Variants in UBR1 observed in about 807,000 individuals in gnomAD.
The protein encoded by UBR1 is ubiquitin protein ligase E3 component n-recognin 1, also known as E3 ubiquitin-protein ligase UBR1.
A neutral mutation model predicts 242.1 loss-of-function variants in UBR1; 102 were observed. That is an observed-to-expected ratio of 0.42 (90% CI 0.36 to 0.50). UBR1 has a LOEUF of 0.50. UBR1 is among the 20% of genes least tolerant of loss of function. UBR1 has a pLI of 0.01. For missense variants in UBR1, 1,772 were observed against 2,101.8 expected (o/e 0.84, Z 3.07); for synonymous variants, 675 against 684.8 (o/e 0.99, Z 0.22).
At chr15:42,997,702 C>G (rs2032661294) in intron 33 of UBR1, among the ~76,000 whole-genome samples, 1 of 152,194 alleles carries the variant, frequency 6.6e-6, no homozygotes, top group Non-Finnish European at 1.5e-5. Flanking sequence ...ACATGTAGCA[C>G]TTACTATGTA....
At chr15:43,012,143 C>T (rs8028822) in intron 29 of UBR1, among the ~76,000 whole-genome samples, 81,490 of 151,316 alleles carry the variant, frequency 0.54, 26,649 homozygotes, top group Non-Finnish European at 0.7. Context: ...AGGAGAATGG[C>T]GTGAACCCTG....
At chr15:43,059,650 A>AT in intron 8 of UBR1, 52 bp downstream of exon 8, 1 of 1,610,178 alleles carries the variant, frequency 6.2e-7, no homozygotes, top group Non-Finnish European at 8.5e-7. Context: ...ATTTGTGGCT[A>AT]TAAAACACAT....
At chr15:43,030,192 A>G in intron 20 of UBR1, 124 bp from the exon 21 acceptor site, 1 of 1,103,970 alleles carries the variant, frequency 9.1e-7, no homozygotes, top group East Asian at 2.6e-5. Context: ...GAGGGGCAAA[A>G]GTTATTTGAA....
chr15:42,949,843 T>C (rs1014087448), intron 46 of UBR1, among the ~76,000 whole-genome samples: 3 of 148,288 alleles, frequency 2.0e-5, no homozygotes, highest in Non-Finnish European at 3.0e-5. Flanking sequence ...AAAGTAGCTC[T>C]CAATTACTTT....
intron 32 of UBR1, among the ~76,000 whole-genome samples, chr15:42,999,181 C>T (rs995206325): frequency 1.3e-4 from 20 of 152,102 alleles, no homozygotes; most frequent in African/African-American, 4.6e-4. Context: ...CCTCGTGATC[C>T]GCCCGCCTCA....
At chr15:42,981,617 G>A (rs1291622208) in intron 37 of UBR1, among the ~76,000 whole-genome samples, 1 of 152,026 alleles carries the variant, frequency 6.6e-6, no homozygotes, top group Admixed American at 6.6e-5. Context: ...AGCCTCCCGA[G>A]TAGCTGGGAC....
At chr15:43,021,441 T>C in intron 26 of UBR1, 66 bp from the exon 27 acceptor site, 4 of 1,508,832 alleles carry the variant, frequency 2.7e-6, no homozygotes, top group Non-Finnish European at 3.7e-6. Context: ...CCTCAGGGAA[T>C]TGGTTTCAGG....
At chr15:43,054,432 AGT>A (rs2141332744) in intron 12 of UBR1, among the ~76,000 whole-genome samples, 1 of 152,190 alleles carries the variant, frequency 6.6e-6, no homozygotes, top group African/African-American at 2.4e-5. Flanking sequence ...ACAGAACCAA[AGT>A]GTGTGAGTGG....
At chr15:43,002,291 G>A (rs988319655) in intron 32 of UBR1, among the ~76,000 whole-genome samples, 1 of 152,148 alleles carries the variant, frequency 6.6e-6, no homozygotes, top group African/African-American at 2.4e-5. Flanking sequence ...TCGACTCACT[G>A]GAGCTTCAAT....
intron 32 of UBR1, among the ~76,000 whole-genome samples, chr15:42,999,493 A>C (rs1273207315): frequency 6.6e-6 from 1 of 152,150 alleles, no homozygotes; most frequent in Non-Finnish European, 1.5e-5. Context: ...TCTCCTTCCT[A>C]AAATGGACGT....
rs549290408 is a variant in UBR1, at chr15:42,983,795, T to C, written c.4150+102A>G. On this transcript the variant is annotated intron_variant, in intron 37 of 46. Transcript: ENST00000290650. ...TTCATTAGTGAGTGCTCAAAATTAG[T>C]GCAGTGTATGTTGTTTCCTAATGAA... The C allele has an allele frequency of 2.8e-4, 181 of 647,050 alleles. No individual in the cohort carries two copies. The African/African-American group carries it at 3.1e-3, about 11-fold the overall frequency. The allele number at this position is 647,050 out of a possible 1,614,324, so 40.1% of individuals were successfully genotyped here. A position where few individuals can be genotyped will look rare whatever the true frequency, so the allele number is the denominator to read the frequency against.
Position 43,017,189 on chromosome 15 carries a change from A to G in UBR1, c.2941-8T>C. 6.3e-7 allele frequency: 1 copy of G among 1,596,114 alleles called. No homozygotes were observed. Among genetic ancestry groups the G allele is most frequent in the Non-Finnish European group, 8.6e-7 (1 of 1,165,794 alleles). On this transcript the variant is annotated splice_region_variant and splice_polypyrimidine_tract_variant and intron_variant, in intron 27 of 46. Coordinates refer to ENST00000290650, the MANE Select transcript of UBR1 (RefSeq NM_174916.3). ...CTTCACTGTGTCAAACATCTGTGAA[A>G]AACAGATGAAACGTTAAAAGAGTTA...
At chr15:43,005,946 A>G (rs1377995559) in intron 30 of UBR1, among the ~76,000 whole-genome samples, 1 of 150,132 alleles carries the variant, frequency 6.7e-6, no homozygotes, top group Non-Finnish European at 1.5e-5. Context: ...GGACACAAAC[A>G]CTGCGGAAGG....
chr15:43,012,226 CAAAA>C (rs1454205296), intron 29 of UBR1, among the ~76,000 whole-genome samples: 2 of 82,434 alleles, frequency 2.4e-5, no homozygotes, highest in African/African-American at 4.4e-5. Flanking sequence ...GATTCCGTCT[CAAAA>C]AAAAAAAAAA....
chr15:43,073,666 G>T (rs539884265), intron 4 of UBR1, among the ~76,000 whole-genome samples: 1 of 152,148 alleles, frequency 6.6e-6, no homozygotes, highest in Admixed American at 6.5e-5. Context: ...AGGAACTCAC[G>T]GATTTTTATA....
At position 42,984,985 on chromosome 15, in the gene UBR1, T is replaced by C. The variant is rs201091488; in HGVS notation, c.3998-43A>G. ...AATAAAAATAATAAATCCTGAATAGTGCTATAATCATATACTGTACTTTTT... is the reference window on the plus strand; with the variant it reads ...AATAAAAATAATAAATCCTGAATAGCGCTATAATCATATACTGTACTTTTT... On this transcript the variant is annotated intron_variant, in intron 35 of 46. Transcript: ENST00000290650. 6.8e-4 allele frequency: 939 copies of C among 1,383,452 alleles called. 7 individuals are homozygous for C. The Admixed American group carries it at 8.7e-3, about 13-fold the overall frequency. 85.7% of individuals were successfully genotyped at this position (1,383,452 alleles called of 1,614,324 possible). A position where few individuals can be genotyped will look rare whatever the true frequency, so the allele number is the denominator to read the frequency against.
intron 42 of UBR1, 64 bp downstream of exon 42, chr15:42,963,871 A>C (rs987229309): frequency 7.8e-7 from 1 of 1,284,422 alleles, no homozygotes; most frequent in Non-Finnish European, 1.1e-6. Context: ...CTTAGCAAGT[A>C]ATTGTAATTT....
At chr15:42,966,610 G>T (rs1484769793) in intron 40 of UBR1, among the ~76,000 whole-genome samples, 1 of 151,658 alleles carries the variant, frequency 6.6e-6, no homozygotes, top group South Asian at 2.1e-4. Context: ...CCCAGGAGGT[G>T]GAGGCTGCAG....
At chr15:43,037,938 C>CA in intron 16 of UBR1, 55 bp from the exon 17 acceptor site, 5 of 1,482,178 alleles carry the variant, frequency 3.4e-6, no homozygotes, top group Non-Finnish European at 4.7e-6. Flanking sequence ...GATGTGTCTC[C>CA]AAGTTATGCC....
Sources: allele counts gnomAD v4.1 joint callset (sites outside exome capture counted in the v4.1 genomes callset), GRCh38; gene constraint gnomAD v4.1.1; transcripts MANE v1.5; gene names NCBI Gene and HGNC (gene_info 2026-07-23, HGNC 2026-07-21).